TMEM132B: variants seen among roughly 807,000 people sequenced by gnomAD.
TMEM132B encodes the protein transmembrane protein 132B.
Under a neutral mutation model 90.8 loss-of-function variants are expected in TMEM132B, and 18 were observed. The observed-to-expected ratio is 0.20, with a 90% CI of 0.14 to 0.29. The LOEUF (loss-of-function observed/expected upper bound fraction) is 0.29. TMEM132B is among the 10% of genes least tolerant of loss of function. The pLI is 1.00. For synonymous variants in TMEM132B, 504 were observed against 523.3 expected (o/e 0.96, Z 0.50); for missense variants, 1,096 against 1,326.8 (o/e 0.83, Z 2.70).
In TMEM132B at chr12:125,660,259, CAAAACAAGAA is replaced by C. The variant is rs1887175480; in HGVS notation, c.*5553_*5562del. The C allele has an allele frequency of 6.6e-6, 1 of 152,062 alleles. No individual in the cohort carries two copies. 9.4% of individuals were successfully genotyped at this position (152,062 alleles called of 1,614,324 possible). A position where few individuals can be genotyped will look rare whatever the true frequency, so the allele number is the denominator to read the frequency against. ...AGCGAGACTTTGTCTCAAACAGAAACAAAACAAGAAAAACAAAAAGAACTTAACCAGTTCT... is the reference window on the plus strand; with the variant it reads ...AGCGAGACTTTGTCTCAAACAGAAACAAACAAAAAGAACTTAACCAGTTCT... On this transcript the variant is annotated 3_prime_UTR_variant, in exon 9 of 9. Coordinates refer to ENST00000682704, the MANE Select transcript of TMEM132B (RefSeq NM_001366854.1).
At chr12:125,594,844 A>C (rs970961628) in intron 5 of TMEM132B, among the ~76,000 whole-genome samples, 1 of 152,204 alleles carries the variant, frequency 6.6e-6, no homozygotes, top group African/African-American at 2.4e-5. Context: ...TTGTGTTTTC[A>C]TACTCTAATA....
intron 1 of TMEM132B, among the ~76,000 whole-genome samples, chr12:125,190,696 T>G (rs1383246312): frequency 1.3e-4 from 1 of 7,792 alleles, no homozygotes; most frequent in Non-Finnish European, 2.3e-4. Flanking sequence ...GTGGTGATGG[T>G]GATGGGGAAG....
intron 1 of TMEM132B, among the ~76,000 whole-genome samples, chr12:125,325,910 A>G (rs1876550642): frequency 1.3e-5 from 2 of 152,254 alleles, no homozygotes; most frequent in South Asian, 4.2e-4. Flanking sequence ...CAGATGTAGT[A>G]GCTTGACCCA....
chr12:125,406,310 C>A lies in TMEM132B; in HGVS notation c.960-9221C>A, dbSNP rs776586723. On this transcript the variant is annotated intron_variant, in intron 2 of 8. Transcript: ENST00000682704. This position sits in a 1 kb window ranked among gnomAD's most constrained non-coding sequence, Gnocchi z 8.3. ...CTCATGTGGAAAATGGAAGCAGAAG[C>A]GATACTACCCCTGCGGGGTTGCACG... is the stretch of plus-strand genomic sequence containing the variant. 6.6e-6 allele frequency among the ~76,000 whole-genome samples: 1 copy of A among 152,172 alleles called. No homozygotes were observed. Among genetic ancestry groups the A allele is most frequent in the Non-Finnish European group, 1.5e-5 (1 of 68,034 alleles).
chr12:125,614,837 T>A (rs1885948710), intron 5 of TMEM132B, among the ~76,000 whole-genome samples: 1 of 152,172 alleles, frequency 6.6e-6, no homozygotes, highest in Non-Finnish European at 1.5e-5. Context: ...TTGAAGAACT[T>A]CCTTTACCAT....
At chr12:125,521,892 A>C (rs849348) in intron 4 of TMEM132B, among the ~76,000 whole-genome samples, 1 of 152,094 alleles carries the variant, frequency 6.6e-6, no homozygotes, top group Non-Finnish European at 1.5e-5. Context: ...CAACACTGCT[A>C]TGATCCAGAA....
At chr12:125,231,651 AG>A (rs1873826736) in intron 1 of TMEM132B, among the ~76,000 whole-genome samples, 1 of 152,170 alleles carries the variant, frequency 6.6e-6, no homozygotes, top group Non-Finnish European at 1.5e-5. Context: ...TAGAAAACAC[AG>A]CCGCTCTGAT....
At chr12:125,282,037 A>AAAAAAAAAAAAAAAAAAAAAAC (rs1875200465) in intron 1 of TMEM132B, among the ~76,000 whole-genome samples, 1 of 64,094 alleles carries the variant, frequency 1.6e-5, no homozygotes, top group Non-Finnish European at 3.2e-5. Flanking sequence ...CAAAAAAAAA[A>AAAAAAAAAAAAAAAAAAAAAAC]AAAAAAAAAA....
chr12:125,238,147 G>A (rs1208921048), intron 1 of TMEM132B, among the ~76,000 whole-genome samples: 1 of 151,838 alleles, frequency 6.6e-6, no homozygotes, highest in African/African-American at 2.4e-5. Context: ...GACTTCTGAG[G>A]ACAAAGATGT....
intron 1 of TMEM132B, among the ~76,000 whole-genome samples, chr12:125,196,199 A>G (rs572352884): frequency 2.6e-4 from 40 of 152,184 alleles, no homozygotes; most frequent in Non-Finnish European, 5.0e-4. Flanking sequence ...TTGCTGATGA[A>G]TTGGGTTCAT....
rs1169623372 is a variant in TMEM132B, at chr12:125,639,535, C to G, written c.1438-4541C>G. Among the ~76,000 whole-genome samples, 5 of 152,190 alleles carry G rather than the reference C, an allele frequency of 3.3e-5. No individual in the cohort carries two copies. The East Asian group carries it at 9.6e-4, about 29-fold the overall frequency. On this transcript the variant is annotated intron_variant, in intron 5 of 8. Transcript: ENST00000682704. ...AGGGAAAAGGAGAAAGGTCCATGTT[C>G]TGAAGCAGATTACCATCAGGTGGGG...
At chr12:125,187,217 C>T (rs1957765389) in intron 1 of TMEM132B, among the ~76,000 whole-genome samples, 6 of 152,222 alleles carry the variant, frequency 3.9e-5, no homozygotes, top group Admixed American at 3.9e-4. Flanking sequence ...GGTCCCAGTT[C>T]CTCCAGGGGT....
At chr12:125,223,675 G>C (rs1272012547) in intron 1 of TMEM132B, among the ~76,000 whole-genome samples, 1 of 152,088 alleles carries the variant, frequency 6.6e-6, no homozygotes, top group Non-Finnish European at 1.5e-5. Context: ...GCTACCCCCA[G>C]CCCTCGCCAG....
intron 4 of TMEM132B, among the ~76,000 whole-genome samples, chr12:125,527,210 C>A (rs1411240373): frequency 2.2e-5 from 3 of 138,360 alleles, no homozygotes; most frequent in Admixed American, 7.0e-5. Context: ...ACCCTTCCAT[C>A]CATCCATCCA....
intron 2 of TMEM132B, among the ~76,000 whole-genome samples, chr12:125,372,710 T>G (rs371657322): frequency 6.6e-6 from 1 of 152,308 alleles, no homozygotes; most frequent in East Asian, 1.9e-4. Context: ...CTGCTACAAA[T>G]GTGCAGTGGT....
At chr12:125,375,525 C>T (rs1201137212) in intron 2 of TMEM132B, among the ~76,000 whole-genome samples, 2 of 152,194 alleles carry the variant, frequency 1.3e-5, no homozygotes, top group Non-Finnish European at 2.9e-5. Flanking sequence ...AGGAAACCAA[C>T]ATGAAAAAGT....
chr12:125,452,922 T>C (rs1043639373), intron 3 of TMEM132B, among the ~76,000 whole-genome samples: 1 of 152,218 alleles, frequency 6.6e-6, no homozygotes. Context: ...CTTCACATTT[T>C]CATGGAGTCT....
At chr12:125,532,353 T>C (rs893633282) in intron 4 of TMEM132B, among the ~76,000 whole-genome samples, 3 of 152,114 alleles carry the variant, frequency 2.0e-5, no homozygotes, top group African/African-American at 7.2e-5. Context: ...ATGACCTGTC[T>C]CACAAGGATG....
chr12:125,218,769 G>GTTTT (rs34905706), intron 1 of TMEM132B, among the ~76,000 whole-genome samples: 6,518 of 108,800 alleles, frequency 0.06, 545 homozygotes, highest in Admixed American at 0.14. Flanking sequence ...TGTTGAAGCT[G>GTTTT]TTTTTTTTTT....
Sources: gnomAD v4.1 joint callset for allele counts (sites outside exome capture counted in the v4.1 genomes callset) on GRCh38, gnomAD v4.1.1 for gene constraint, Gnocchi (gnomAD v3.1) non-coding constraint, MANE v1.5 for transcripts, NCBI Gene and HGNC (gene_info 2026-07-23, HGNC 2026-07-21) for gene names.